The following TROAP variants were observed in gnomAD, a reference collection of about 807,000 sequenced individuals.
The protein encoded by TROAP is tastin.
TROAP carries 62 observed loss-of-function variants against 83.4 expected under a neutral mutation model. That is an observed-to-expected ratio of 0.74 (90% CI 0.61 to 0.92). TROAP has a LOEUF of 0.92. Among genes scored for constraint, TROAP ranks in the 40% least tolerant of loss-of-function variants. TROAP has a pLI of 0.00. For missense variants in TROAP, 876 were observed against 985.1 expected (o/e 0.89, Z 1.48); for synonymous variants, 352 against 386.4 (o/e 0.91, Z 1.04).
chr12:49,330,053 G>C, intron 12 of TROAP, 62 bp downstream of exon 12: 1 of 1,607,798 alleles, frequency 6.2e-7, no homozygotes, highest in South Asian at 1.1e-5. Context: ...GAGGAAGAGG[G>C]AAAAGAGATG....
At chr12:49,327,184 C>CA (rs1317948375) in intron 7 of TROAP, 25 bp from the exon 8 acceptor site, 1 of 1,613,438 alleles carries the variant, frequency 6.2e-7, no homozygotes, top group South Asian at 1.1e-5. Flanking sequence ...CTAGAGTCTA[C>CA]AACAAATGTC....
At chr12:49,327,796 T>A (rs772658385) in intron 8 of TROAP, among the ~76,000 whole-genome samples, 5 of 151,962 alleles carry the variant, frequency 3.3e-5, no homozygotes, top group African/African-American at 1.2e-4. Flanking sequence ...AAAATAATAA[T>A]AATAATAATA....
Position 49,329,555 on chromosome 12 carries a change from G to T in TROAP, c.1164+101G>T, listed in dbSNP as rs1317312144. The T allele has an allele frequency of 9.5e-6, 13 of 1,369,740 alleles. No homozygotes were observed. The East Asian group carries it at 2.8e-4, about 29-fold the overall frequency. The allele number at this position is 1,369,740 out of a possible 1,614,324, so 84.8% of individuals were successfully genotyped here. On this transcript the variant is annotated intron_variant, in intron 11 of 14. Transcript: ENST00000257909. This position sits in a 1 kb window ranked among gnomAD's most constrained non-coding sequence, Gnocchi z 4.5. ...ACACGTGCTTTCTGGGCCAGGCATG[G>T]TGGCTCACACCTGTAATCCCAGCAC...
rs1479536155 is a variant in TROAP at position 49,330,889 on chromosome 12, G to A, written c.2044G>A (p.Ala682Thr). Reference protein sequence around the residue: ...LIFSSQHPLCASPPICSLQSL... With the variant: ...LIFSSQHPLCTSPPICSLQSL... ...CTTCTCTTCCCAACACCCGCTTTGT[G>A]CCAGCCCCCCTATCTGCTCACTCCA... The change falls in exon 13 of 15, where the codon GCC (alanine) becomes ACC (threonine). Residue 682 changes from alanine (A) to threonine (T), a missense_variant. By Grantham distance (58) the Ala-to-Thr change is moderately conservative. Around this residue, in one of 3 missense-constraint regions of TROAP, gnomAD observed 184 missense variants for 238.3 expected, o/e 0.77. Coordinates refer to ENST00000257909, the MANE Select transcript of TROAP (RefSeq NM_005480.4). The A allele has an allele frequency of 3.7e-6, 6 of 1,612,802 alleles. No individual in the cohort carries two copies. The highest frequency in any genetic ancestry group is 4.2e-6 in the Non-Finnish European group (5 of 1,179,964).
Position 49,329,191 on chromosome 12 carries a change from G to T in TROAP, c.1051G>T (p.Val351Phe), listed in dbSNP as rs773396467. 6.2e-7 allele frequency: 1 copy of T among 1,614,100 alleles called. No individual in the cohort carries two copies. Among genetic ancestry groups the T allele is most frequent in the East Asian group, 2.2e-5 (1 of 44,880 alleles). ...TSYSVLRRLTVQPKTRFTPMP... is the reference protein window; with the variant it reads ...TSYSVLRRLTFQPKTRFTPMP... ...ATATTCAGTGTTGCGGCGTCTCACC[G>T]TTCAACCTAAAACCCGGTTCACACC... Residue 351 changes from valine to phenylalanine, a missense_variant, in exon 10 of 15, where the codon GTT becomes TTT. Transcript: ENST00000257909. The surrounding 1 kb of genome is among the most constrained non-coding windows in gnomAD (Gnocchi z 4.5).
At chr12:49,327,421 G>T in intron 8 of TROAP, 91 bp downstream of exon 8, 1 of 1,549,530 alleles carries the variant, frequency 6.5e-7, no homozygotes, top group Non-Finnish European at 8.8e-7. Flanking sequence ...AGAATTGTAG[G>T]TAGAGCCAGG....
At position 49,323,698 on chromosome 12, in the gene TROAP, G is replaced by T. The variant is rs746152306; in HGVS notation, c.90G>T (p.Thr30=). The change falls in exon 2 of 15, where the codon ACG becomes ACT. Residue 30 remains threonine (T), a synonymous_variant. Transcript: ENST00000257909. ...TTCCGGTACGCTCTCAGAAACGCACGCCTTTCCCCACTGTTACATCGTGCG... is the reference window on the plus strand; with the variant it reads ...TTCCGGTACGCTCTCAGAAACGCACTCCTTTCCCCACTGTTACATCGTGCG... ...SKIPVRSQKR[T]PFPTVTSCAV... 6.2e-7 allele frequency: 1 copy of T among 1,614,092 alleles called. No homozygotes were observed. The highest frequency in any genetic ancestry group is 8.5e-7 in the Non-Finnish European group (1 of 1,180,018).
chr12:49,328,865 A>G (rs1295295151), intron 8 of TROAP, 62 bp from the exon 9 acceptor site: 4 of 1,454,904 alleles, frequency 2.7e-6, no homozygotes, highest in South Asian at 1.5e-5. Context: ...CTCCGTATCA[A>G]AAAAAAAAAT....
chr12:49,327,258 A>G lies in TROAP; in HGVS notation c.819A>G (p.Glu273=), dbSNP rs183043172. ...GCGAGGTTGTCACTCACTCAGATGA[A>G]GGAGGTGTGGCCTCTCTTGGTCTGG... ...GEREVVTHSD[E]GGVASLGLAQ... The change falls in exon 8 of 15, where the codon GAA becomes GAG. Residue 273 remains glutamate (E), a synonymous_variant. Transcript: ENST00000257909. 29 of 1,614,180 alleles carry G rather than the reference A, an allele frequency of 1.8e-5. No individual in the cohort carries two copies. Among genetic ancestry groups the G allele is most frequent in the Middle Eastern group, 3.3e-4 (2 of 6,062 alleles).
chr12:49,329,683 A>T lies in TROAP; in HGVS notation c.1165-174A>T. On this transcript the variant is annotated intron_variant, in intron 11 of 14. Transcript: ENST00000257909. This position sits in a 1 kb window ranked among gnomAD's most constrained non-coding sequence, Gnocchi z 4.5. ...TCCACTAAAATTTTAAAAATTAGAAAGTGCTCTCTGGAAAAGCTGCCTAAC... is the reference window on the plus strand; with the variant it reads ...TCCACTAAAATTTTAAAAATTAGAATGTGCTCTCTGGAAAAGCTGCCTAAC... 5.3e-6 allele frequency: 6 copies of T among 1,131,962 alleles called. No individual in the cohort carries two copies. Among genetic ancestry groups the T allele is most frequent in the Non-Finnish European group, 6.3e-6 (5 of 788,562 alleles). 70.1% of individuals were successfully genotyped at this position (1,131,962 alleles called of 1,614,324 possible). A position where few individuals can be genotyped will look rare whatever the true frequency, so the allele number is the denominator to read the frequency against.
chr12:49,324,834 G>A (rs899138315), intron 3 of TROAP, among the ~76,000 whole-genome samples: 1 of 149,754 alleles, frequency 6.7e-6, no homozygotes, highest in African/African-American at 2.5e-5. Flanking sequence ...AGGTTCAAGC[G>A]ATTCTCATGC....
At position 49,328,859 on chromosome 12, in the gene TROAP, G is replaced by T. The variant is rs1442168286; in HGVS notation, c.892-68G>T. On this transcript the variant is annotated intron_variant, in intron 8 of 14. Coordinates refer to ENST00000257909, the MANE Select transcript of TROAP (RefSeq NM_005480.4). ...ATCCTGGGTGACAGAGCGAGACTCC[G>T]TATCAAAAAAAAAAATAGGAAGACA... 3.3e-6 allele frequency: 5 copies of T among 1,494,198 alleles called. No homozygotes were observed. The East Asian group carries it at 1.1e-4, about 34-fold the overall frequency. The allele number at this position is 1,494,198 out of a possible 1,614,324, so 92.6% of individuals were successfully genotyped here.
chr12:49,328,947 G>T lies in TROAP; in HGVS notation c.912G>T (p.Leu304=). The change falls in exon 9 of 15, where the codon CTG becomes CTT. Residue 304 remains leucine (L), a synonymous_variant. Coordinates refer to ENST00000257909, the MANE Select transcript of TROAP (RefSeq NM_005480.4). ...CACAGGACAGCCATGACTCCCACCT[G>T]ATGCCCTCCCCTGCCCCTGTGGCCC... The part of the protein sequence containing the change: ...SHTRDSHDSH[L]MPSPAPVAQP... The T allele has an allele frequency of 6.3e-7, 1 of 1,582,418 alleles. No homozygotes were observed. Among genetic ancestry groups the T allele is most frequent in the Non-Finnish European group, 8.6e-7 (1 of 1,162,594 alleles).
chr12:49,325,184 G>C lies in TROAP; in HGVS notation c.338-317G>C, dbSNP rs371239002. Among the ~76,000 whole-genome samples the C allele has an allele frequency of 1.6e-3, 249 of 151,834 alleles. 3 individuals are homozygous for C. The highest frequency in any genetic ancestry group is 5.8e-3 in the African/African-American group (240 of 41,412). The stretch of plus-strand genomic sequence containing the variant: ...TCCACCTGCCTCAGCCTCCCAAAGT[G>C]CTGGGATTACAGGAGTGAGCTACCG... On this transcript the variant is annotated intron_variant, in intron 3 of 14. Transcript: ENST00000257909.
intron 3 of TROAP, among the ~76,000 whole-genome samples, chr12:49,325,266 G>A (rs1943480374): frequency 6.6e-6 from 1 of 151,168 alleles, no homozygotes; most frequent in African/African-American, 2.4e-5. Context: ...ATGTTGGCCG[G>A]GTTGGTCTCA....
At chr12:49,325,456 C>G in intron 3 of TROAP, 45 bp from the exon 4 acceptor site, 1 of 1,592,212 alleles carries the variant, frequency 6.3e-7, no homozygotes, top group Non-Finnish European at 8.6e-7. Context: ...GGCCCTATCC[C>G]CCTCAGCCTT....
chr12:49,325,077 AT>A (rs966570096), intron 3 of TROAP, among the ~76,000 whole-genome samples: 3 of 150,170 alleles, frequency 2.0e-5, no homozygotes, highest in African/African-American at 7.3e-5. Flanking sequence ...GGTCCAGCTA[AT>A]TTTTTTTTGT....
In TROAP at chr12:49,323,644, C is replaced by T. The variant is rs756736403; in HGVS notation, c.36C>T (p.Leu12=). Reference sequence around the variant, plus strand: ...GGCAAGCCACGAAGGATCCCCTCCTCCGGGGTGTATCTCCTACCCCTAGCA... The same window carrying T: ...GGCAAGCCACGAAGGATCCCCTCCTTCGGGGTGTATCTCCTACCCCTAGCA... The part of the protein sequence containing the change: ...TTRQATKDPL[L]RGVSPTPSKI... Residue 12 remains leucine, a synonymous_variant, in exon 2 of 15, where the codon CTC becomes CTT. Coordinates refer to ENST00000257909, the MANE Select transcript of TROAP (RefSeq NM_005480.4). 12 of 1,614,012 alleles carry T rather than the reference C, an allele frequency of 7.4e-6. No homozygotes were observed. The East Asian group carries it at 2.4e-4, about 33-fold the overall frequency.
intron 3 of TROAP, among the ~76,000 whole-genome samples, chr12:49,324,781 A>G (rs1255768021): frequency 6.7e-6 from 1 of 148,992 alleles, no homozygotes; most frequent in African/African-American, 2.5e-5. Context: ...CTCAGGCTAG[A>G]GTACAGTGGC....
Sources: allele counts gnomAD v4.1 joint callset (sites outside exome capture counted in the v4.1 genomes callset), GRCh38; gene constraint gnomAD v4.1.1; regional missense constraint gnomAD v4.1.1; non-coding constraint Gnocchi (gnomAD v3.1); transcripts MANE v1.5; gene names NCBI Gene and HGNC (gene_info 2026-07-23, HGNC 2026-07-21).